Variants in DNAH1 observed in about 807,000 individuals in gnomAD.
The protein encoded by DNAH1 is axonemal beta dynein heavy chain 1.
DNAH1 carries 327 observed loss-of-function variants against 484.3 expected under a neutral mutation model. The observed-to-expected ratio is 0.68, with a 90% CI of 0.62 to 0.74. The LOEUF (loss-of-function observed/expected upper bound fraction) is 0.74. Among genes scored for constraint, DNAH1 ranks in the 30% least tolerant of loss-of-function variants. The pLI, the probability that DNAH1 is intolerant of heterozygous loss-of-function variation, is 0.00. For synonymous variants in DNAH1, 2,192 were observed against 2,191.9 expected, an observed-to-expected ratio of 1.00 and a Z score of 0.00; for missense variants, 5,052 against 5,546.8, an observed-to-expected ratio of 0.91 and a Z score of 2.83.
At position 52,316,457 on chromosome 3, in the gene DNAH1, A is replaced by G. The variant is rs1006968291; in HGVS notation, c.-123A>G. On this transcript the variant is annotated 5_prime_UTR_variant, in exon 1 of 78. Transcript: ENST00000420323. ...ACAGTCCTTTCTTCCTTCTGCAGTG[A>G]TCACTGAGTACCTGTGTGAATGCCA... 1 of 152,274 alleles carries G rather than the reference A, an allele frequency of 6.6e-6. No homozygotes were observed. Among genetic ancestry groups the G allele is most frequent in the African/African-American group, 2.4e-5 (1 of 41,420 alleles). 9.4% of individuals were successfully genotyped at this position (152,274 alleles called of 1,614,324 possible).
Position 52,353,958 on chromosome 3 carries a change from T to TGAG in DNAH1, c.3480+331_3480+333dup, listed in dbSNP as rs1344755090. The TGAG allele has an allele frequency of 3.1e-6, 1 of 324,716 alleles. No individual in the cohort carries two copies. The highest frequency in any genetic ancestry group is 2.2e-5 in the African/African-American group (1 of 45,892). 20.1% of individuals were successfully genotyped at this position (324,716 alleles called of 1,614,324 possible). ...TGTAAATCCCAGCACTTTGGGAGGA[T>TGAG]GAGGAGGAAGGATCGCTTGAGCCCA... On this transcript the variant is annotated intron_variant, in intron 20 of 77. Coordinates refer to ENST00000420323, the MANE Select transcript of DNAH1 (RefSeq NM_015512.5). The surrounding 1 kb of genome is among the most constrained non-coding windows in gnomAD (Gnocchi z 5.0).
chr3:52,340,483 G>A (rs1701896773), intron 8 of DNAH1, among the ~76,000 whole-genome samples: 4 of 151,838 alleles, frequency 2.6e-5, no homozygotes, highest in African/African-American at 9.7e-5. Flanking sequence ...CACTCAGTCT[G>A]GAGAGCAGTG....
At chr3:52,387,779 G>C (rs1367442037) in intron 56 of DNAH1, among the ~76,000 whole-genome samples, 1 of 152,180 alleles carries the variant, frequency 6.6e-6, no homozygotes, top group Non-Finnish European at 1.5e-5. Flanking sequence ...CAGGGGGTGG[G>C]GTAGGCCCTT....
At chr3:52,335,366 AT>A (rs1342946778) in intron 8 of DNAH1, among the ~76,000 whole-genome samples, 4 of 84,398 alleles carry the variant, frequency 4.7e-5, no homozygotes, top group East Asian at 3.2e-4. Flanking sequence ...AAAATGTGTG[AT>A]TTTTTTTTGC....
rs373434606 is a variant in DNAH1 at position 52,346,605 on chromosome 3, G to A, written c.1790G>A (p.Arg597His). Residue 597 changes from arginine to histidine, a missense_variant, in exon 11 of 78, where the codon CGC (arginine) becomes CAC (histidine). Around this residue, in one of 4 missense-constraint regions of DNAH1, gnomAD observed 1,263 missense variants for 1,218.8 expected, o/e 1.04. Coordinates refer to ENST00000420323, the MANE Select transcript of DNAH1 (RefSeq NM_015512.5). Reference sequence around the variant, plus strand: ...GAGGTGTACCTCATGTCCAAGCTGCGCAAGCTGATGGAGCTGGTGAAGTAC... The same window carrying A: ...GAGGTGTACCTCATGTCCAAGCTGCACAAGCTGATGGAGCTGGTGAAGTAC... ...NWEVYLMSKL[R>H]KLMELVKYML... The A allele has an allele frequency of 1.7e-5, 28 of 1,613,946 alleles. No homozygotes were observed. Among genetic ancestry groups the A allele is most frequent in the African/African-American group, 5.3e-5 (4 of 74,934 alleles).
intron 32 of DNAH1, among the ~76,000 whole-genome samples, chr3:52,363,373 C>T (rs548281390): frequency 1.3e-5 from 2 of 152,370 alleles, no homozygotes; most frequent in South Asian, 4.1e-4. Flanking sequence ...TACACAGCAG[C>T]GCTGGAGCAG....
In DNAH1 at chr3:52,368,755, TCTC is replaced by T; in HGVS notation, c.5784_5786del (p.Ser1929del). On this transcript the variant is annotated inframe_deletion, in exon 37 of 78. Transcript: ENST00000420323. The surrounding 1 kb of genome is among the most constrained non-coding windows in gnomAD (Gnocchi z 4.4). ...TGGCGCTGCAGGACAGACGGGATAT[TCTC>T]CTCGTTCATCCGGGCGGGGGCCATC... 3 of 1,613,590 alleles carry T rather than the reference TCTC, an allele frequency of 1.9e-6. No homozygotes were observed. Among genetic ancestry groups the T allele is most frequent in the Non-Finnish European group, 2.5e-6 (3 of 1,179,832 alleles).
intron 17 of DNAH1, 102 bp from the exon 18 acceptor site, chr3:52,352,450 G>T: frequency 6.8e-7 from 1 of 1,464,154 alleles, no homozygotes; most frequent in South Asian, 1.3e-5. Context: ...GAACTCGGAG[G>T]AGTGGACGTC....
At chr3:52,311,389 G>A (rs769387224), upstream of DNAH1, among the ~76,000 whole-genome samples, 1 of 152,134 alleles carries the variant, frequency 6.6e-6, no homozygotes, top group Non-Finnish European at 1.5e-5. Context: ...TGCCTCCCAG[G>A]GCAATGGCGC....
rs1035418166 is a variant in DNAH1 at position 52,373,239 on chromosome 3, G to C, written c.6985+186G>C. The stretch of plus-strand genomic sequence containing the variant: ...GCGGAGAGACGCCGCCGCCACGGCT[G>C]CCGCAGCCTCTGGAAGCCTGGAAAA... On this transcript the variant is annotated intron_variant, in intron 44 of 77. Coordinates refer to ENST00000420323, the MANE Select transcript of DNAH1 (RefSeq NM_015512.5). Among the ~76,000 whole-genome samples the C allele has an allele frequency of 1.1e-4, 17 of 152,114 alleles. No homozygotes were observed. The South Asian group carries it at 1.2e-3, about 11-fold the overall frequency.
rs1349296512 is a variant in DNAH1 at position 52,396,607 on chromosome 3, A to C, written c.11431-11A>C. The C allele has an allele frequency of 3.1e-6, 5 of 1,605,082 alleles. No homozygotes were observed. The highest frequency in any genetic ancestry group is 1.4e-5 in the African/African-American group (1 of 73,352). ...CCGCTCCTCACCTCCCCTGCCTCCC[A>C]CCTCCCCCAGGTGATGGAGTTCAAG... On this transcript the variant is annotated splice_polypyrimidine_tract_variant and intron_variant, in intron 71 of 77. Coordinates refer to ENST00000420323, the MANE Select transcript of DNAH1 (RefSeq NM_015512.5).
rs578230908 is a variant in DNAH1, at chr3:52,379,059, C to T, written c.7377+279C>T. ...CTGGTTTGGGCCCTGCATGTGAGAA[C>T]GCTTGAGGGACAGTGAGCAGGGTGC... is the stretch of plus-strand genomic sequence containing the variant. On this transcript the variant is annotated intron_variant, in intron 47 of 77. Coordinates refer to ENST00000420323, the MANE Select transcript of DNAH1 (RefSeq NM_015512.5). The surrounding 1 kb of genome is among the most constrained non-coding windows in gnomAD (Gnocchi z 4.4). Among the ~76,000 whole-genome samples, 13 of 152,276 alleles carry T rather than the reference C, an allele frequency of 8.5e-5. No individual in the cohort carries two copies. The highest frequency in any genetic ancestry group is 3.9e-4 in the East Asian group (2 of 5,182).
Position 52,383,935 on chromosome 3 carries a change from T to A in DNAH1, c.8226T>A (p.Phe2742Leu). 1 of 1,613,490 alleles carries A rather than the reference T, an allele frequency of 6.2e-7. No homozygotes were observed. The highest frequency in any genetic ancestry group is 8.5e-7 in the Non-Finnish European group (1 of 1,179,654). Residue 2742 changes from phenylalanine (F) to leucine (L), a missense_variant, in exon 52 of 78, where the codon TTT (phenylalanine) becomes TTA (leucine). By Grantham distance (22) the Phe-to-Leu change is conservative. Transcript: ENST00000420323. ...TCAACTGCTGTACCATCGACTGGTT[T>A]AACGAGTGGCCGGCAGAAGCCCTGA... ...SLVNCCTIDW[F>L]NEWPAEALKS...
chr3:52,339,269 C>T (rs2153223494), intron 8 of DNAH1, among the ~76,000 whole-genome samples: 1 of 150,806 alleles, frequency 6.6e-6, no homozygotes, highest in Admixed American at 6.6e-5. Flanking sequence ...TTTATTTTCT[C>T]TCATTTTTAT....
At chr3:52,328,118 G>T in intron 6 of DNAH1, 104 bp downstream of exon 6, 7 of 1,455,388 alleles carry the variant, frequency 4.8e-6, no homozygotes, top group South Asian at 1.3e-5. Flanking sequence ...GGAGGCGAGG[G>T]GTCTTTCAAG....
rs1578143966 is a variant in DNAH1, at chr3:52,362,689, G to A, written c.5094+188G>A. ...GTCCTCAGGGCATGGGAGAAGTCAG[G>A]CTGCCTATGGATGTGGTGTGGAGGG... On this transcript the variant is annotated intron_variant, in intron 31 of 77. Transcript: ENST00000420323. This position sits in a 1 kb window ranked among gnomAD's most constrained non-coding sequence, Gnocchi z 5.1. Among the ~76,000 whole-genome samples the A allele has an allele frequency of 6.6e-6, 1 of 152,224 alleles. No homozygotes were observed. Among genetic ancestry groups the A allele is most frequent in the Non-Finnish European group, 1.5e-5 (1 of 68,040 alleles).
upstream of DNAH1, among the ~76,000 whole-genome samples, chr3:52,311,370 A>G (rs1403784539): frequency 6.6e-6 from 1 of 152,152 alleles, no homozygotes; most frequent in African/African-American, 2.4e-5. Flanking sequence ...GGGTTGGCTC[A>G]TGCTTTTTTG....
chr3:52,366,608 C>A, intron 35 of DNAH1, 60 bp downstream of exon 35: 1 of 1,556,526 alleles, frequency 6.4e-7, no homozygotes, highest in Non-Finnish European at 8.7e-7. Context: ...GGGGGTGCAG[C>A]TTCAACAGGG....
intron 1 of DNAH1, among the ~76,000 whole-genome samples, chr3:52,321,315 T>C (rs186235036): frequency 6.9e-4 from 105 of 151,872 alleles, no homozygotes; most frequent in African/African-American, 2.4e-3. Context: ...GGGGTTTCAC[T>C]GTGTTGGTCA....
Sources: allele counts gnomAD v4.1 joint callset (sites outside exome capture counted in the v4.1 genomes callset), GRCh38; gene constraint gnomAD v4.1.1; regional missense constraint gnomAD v4.1.1; non-coding constraint Gnocchi (gnomAD v3.1); transcripts MANE v1.5; gene names NCBI Gene and HGNC (gene_info 2026-07-23, HGNC 2026-07-21).